The following ADAMTS18 variants were observed in gnomAD, a reference collection of about 807,000 sequenced individuals.
ADAMTS18 encodes ADAM metallopeptidase with thrombospondin type 1 motif 18.
A neutral mutation model predicts 165.9 loss-of-function variants in ADAMTS18; 157 were observed. That is an observed-to-expected ratio of 0.95 (90% CI 0.83 to 1.08). The LOEUF is 1.08. Among genes scored for constraint, ADAMTS18 ranks in the 50% least tolerant of loss-of-function variants. The pLI is 0.00. For missense variants in ADAMTS18, 2,040 were observed against 1,534.0 expected, an observed-to-expected ratio of 1.33 and a Z score of -5.51; for synonymous variants, 782 against 578.2, an observed-to-expected ratio of 1.35 and a Z score of -5.06.
At chr16:77,352,581 C>T (rs1312775423) in intron 10 of ADAMTS18, among the ~76,000 whole-genome samples, 2 of 152,032 alleles carry the variant, frequency 1.3e-5, no homozygotes, top group Non-Finnish European at 2.9e-5. Flanking sequence ...TTATGTGGGG[C>T]ACAGGCTCAC....
chr16:77,380,626 T>TA (rs1262698964), intron 3 of ADAMTS18, among the ~76,000 whole-genome samples: 6 of 152,246 alleles, frequency 3.9e-5, no homozygotes, highest in Non-Finnish European at 5.9e-5. Flanking sequence ...GTAAAAATGT[T>TA]AAAATGCATA....
intron 3 of ADAMTS18, among the ~76,000 whole-genome samples, chr16:77,370,714 C>A (rs1416120042): frequency 1.3e-5 from 2 of 152,014 alleles, no homozygotes; most frequent in African/African-American, 4.8e-5. Context: ...CATGCCACTG[C>A]ACTCCAGCGT....
At chr16:77,358,138 T>C (rs904054060) in intron 8 of ADAMTS18, among the ~76,000 whole-genome samples, 1 of 152,228 alleles carries the variant, frequency 6.6e-6, no homozygotes, top group Non-Finnish European at 1.5e-5. Flanking sequence ...ATTTTAAAAA[T>C]TGGCTTATTC....
intron 8 of ADAMTS18, 62 bp downstream of exon 8, chr16:77,359,256 G>C: frequency 7.2e-7 from 1 of 1,392,204 alleles, no homozygotes; most frequent in Non-Finnish European, 1.0e-6. Context: ...AACGGTTAGA[G>C]GAACACCAAT....
Position 77,297,422 on chromosome 16 carries a change from A to G in ADAMTS18, c.2675-7T>C. On this transcript the variant is annotated splice_polypyrimidine_tract_variant and splice_region_variant and intron_variant, in intron 17 of 22. Transcript: ENST00000282849. Reference sequence around the variant, plus strand: ...GCCTTTACATTTATGTAACCTGGTAAGACATCAGAAGTGACAAAGTGAAAA... The same window carrying G: ...GCCTTTACATTTATGTAACCTGGTAGGACATCAGAAGTGACAAAGTGAAAA... 5.0e-6 allele frequency: 8 copies of G among 1,610,332 alleles called. No individual in the cohort carries two copies. Among genetic ancestry groups the G allele is most frequent in the Non-Finnish European group, 5.1e-6 (6 of 1,176,566 alleles).
At chr16:77,380,440 T>C (rs933109140) in intron 3 of ADAMTS18, among the ~76,000 whole-genome samples, 7 of 152,202 alleles carry the variant, frequency 4.6e-5, no homozygotes, top group Non-Finnish European at 7.3e-5. Context: ...ATGGCTGTAT[T>C]CAAAACTCTG....
chr16:77,291,396 A>G lies in ADAMTS18; in HGVS notation c.3272T>C (p.Phe1091Ser), dbSNP rs764529831. ...AATATTACGGCATCTTCGCTCTGGG[A>G]AAGTTATCAGCTTTCCCTGGAAGCC... The part of the protein sequence containing the change: ...EKGFQGKLIT[F>S]PERRCRNIKK... Residue 1091 changes from phenylalanine (F) to serine (S), a missense_variant, in exon 21 of 23, where the codon TTC (phenylalanine) becomes TCC (serine). Coordinates refer to ENST00000282849, the MANE Select transcript of ADAMTS18 (RefSeq NM_199355.4). 6 of 1,614,116 alleles carry G rather than the reference A, an allele frequency of 3.7e-6. No homozygotes were observed. The highest frequency in any genetic ancestry group is 5.1e-6 in the Non-Finnish European group (6 of 1,179,996).
chr16:77,313,395 T>C (rs2055820685), intron 16 of ADAMTS18, among the ~76,000 whole-genome samples: 1 of 151,820 alleles, frequency 6.6e-6, no homozygotes, highest in Admixed American at 6.6e-5. Context: ...TATACATATG[T>C]AACAAACCTG....
chr16:77,344,449 C>G (rs1332432060), intron 10 of ADAMTS18, among the ~76,000 whole-genome samples: 1 of 152,072 alleles, frequency 6.6e-6, no homozygotes, highest in Non-Finnish European at 1.5e-5. Flanking sequence ...TTGAGTCACC[C>G]TCAGTTTGAG....
chr16:77,403,449 CT>C (rs1597231789), intron 3 of ADAMTS18, among the ~76,000 whole-genome samples: 1 of 152,168 alleles, frequency 6.6e-6, no homozygotes, highest in East Asian at 1.9e-4. Flanking sequence ...AGACTCTGTG[CT>C]TCTAACTCAC....
chr16:77,321,295 G>A (rs1226465707), intron 14 of ADAMTS18, 93 bp from the exon 15 acceptor site: 4 of 1,514,384 alleles, frequency 2.6e-6, no homozygotes, highest in African/African-American at 1.4e-5. Flanking sequence ...TGTATTTACA[G>A]AACATTAGGG....
intron 8 of ADAMTS18, among the ~76,000 whole-genome samples, chr16:77,356,427 T>C (rs2056631220): frequency 6.6e-6 from 1 of 152,168 alleles, no homozygotes; most frequent in Admixed American, 6.6e-5. Flanking sequence ...AGTAGAATTC[T>C]TATCTTGTCA....
At chr16:77,335,270 TAAA>T (rs560255934) in intron 12 of ADAMTS18, among the ~76,000 whole-genome samples, 1 of 116,564 alleles carries the variant, frequency 8.6e-6, no homozygotes, top group Non-Finnish European at 1.8e-5. Context: ...ATGTGAGAGC[TAAA>T]AAAAAAAAAA....
At chr16:77,307,107 C>T (rs904475320) in intron 16 of ADAMTS18, among the ~76,000 whole-genome samples, 1 of 152,166 alleles carries the variant, frequency 6.6e-6, no homozygotes, top group Admixed American at 6.5e-5. Context: ...ACTTGATCTC[C>T]TCAATCAATT....
chr16:77,292,934 C>T (rs565817172), intron 20 of ADAMTS18, 142 bp downstream of exon 20: 4 of 954,882 alleles, frequency 4.2e-6, no homozygotes, highest in Non-Finnish European at 6.2e-6. Flanking sequence ...ATGCTCCTGC[C>T]TCAGCCTCCC....
chr16:77,386,770 T>C (rs17688054), intron 3 of ADAMTS18, among the ~76,000 whole-genome samples: 15,412 of 152,242 alleles, frequency 0.1, 1,151 homozygotes, highest in Middle Eastern at 0.19. Context: ...GAAATCCATA[T>C]ATACCCAAAG....
At chr16:77,420,828 A>C (rs1448458591) in intron 3 of ADAMTS18, among the ~76,000 whole-genome samples, 1 of 152,218 alleles carries the variant, frequency 6.6e-6, no homozygotes, top group Non-Finnish European at 1.5e-5. Context: ...GTATTTACCC[A>C]CAGAAAATTA....
chr16:77,313,498 A>C (rs559381707), intron 16 of ADAMTS18, among the ~76,000 whole-genome samples: 1 of 152,084 alleles, frequency 6.6e-6, no homozygotes, highest in South Asian at 2.1e-4. Context: ...AAAAAAAAAA[A>C]ACTTAAATTA....
At chr16:77,356,710 G>T (rs1211597164) in intron 8 of ADAMTS18, among the ~76,000 whole-genome samples, 1 of 152,046 alleles carries the variant, frequency 6.6e-6, no homozygotes, top group Non-Finnish European at 1.5e-5. Context: ...TATTATATGA[G>T]AAAACTTTAA....
Sources: allele counts gnomAD v4.1 joint callset (sites outside exome capture counted in the v4.1 genomes callset), GRCh38; gene constraint gnomAD v4.1.1; transcripts MANE v1.5; gene names NCBI Gene and HGNC (gene_info 2026-07-23, HGNC 2026-07-21).